The following PRKCE variants were observed in gnomAD, a reference collection of about 807,000 sequenced individuals.
PRKCE encodes the protein protein kinase C epsilon type.
In PRKCE, 16 loss-of-function variants were observed where a neutral mutation model predicts 85.4. That is an observed-to-expected ratio of 0.19 (90% CI 0.13 to 0.28). PRKCE has a LOEUF of 0.28. Among genes scored for constraint, PRKCE ranks in the 10% least tolerant of loss-of-function variants. The probability of loss-of-function intolerance (pLI) is 1.00; values close to 1 mark genes in which losing one functional copy is unlikely to be tolerated. For synonymous variants in PRKCE, 388 were observed against 371.5 expected (o/e 1.04, Z -0.51); for missense variants, 573 against 975.2 (o/e 0.59, Z 5.49).
chr2:46,093,671 C>T (rs1468783302), intron 11 of PRKCE, among the ~76,000 whole-genome samples: 1 of 151,854 alleles, frequency 6.6e-6, no homozygotes, highest in Non-Finnish European at 1.5e-5. Flanking sequence ...TGGGATTACA[C>T]AGGCATGAAC....
At chr2:45,909,407 A>G (rs936289081) in intron 2 of PRKCE, among the ~76,000 whole-genome samples, 1 of 139,474 alleles carries the variant, frequency 7.2e-6, no homozygotes, top group Non-Finnish European at 1.7e-5. Flanking sequence ...TGTGCATCAT[A>G]ATCTCCCCCA....
At chr2:45,714,523 TGA>T (rs1679931162) in intron 1 of PRKCE, among the ~76,000 whole-genome samples, 2 of 152,264 alleles carry the variant, frequency 1.3e-5, no homozygotes, top group Admixed American at 1.3e-4. Context: ...GCTCTTTAAA[TGA>T]AACACATTCA....
At position 45,816,805 on chromosome 2, in the gene PRKCE, C is replaced by T. The variant is rs1008698463; in HGVS notation, c.349-26195C>T. Among the ~76,000 whole-genome samples the T allele has an allele frequency of 3.9e-5, 6 of 152,214 alleles. No individual in the cohort carries two copies. The East Asian group carries it at 1.2e-3, about 29-fold the overall frequency. ...CTCCTCGATATTCCTGTCCATCCTC[C>T]CTCCCCCTAATTGTTAGAGGTGAGC... On this transcript the variant is annotated intron_variant, in intron 1 of 14. Transcript: ENST00000306156.
chr2:46,039,461 G>A (rs915564943), intron 10 of PRKCE, among the ~76,000 whole-genome samples: 1 of 152,054 alleles, frequency 6.6e-6, no homozygotes, highest in Non-Finnish European at 1.5e-5. Flanking sequence ...CCTCCACTGA[G>A]GCCTGTTCTT....
intron 1 of PRKCE, among the ~76,000 whole-genome samples, chr2:45,734,492 TA>T (rs1239222002): frequency 6.6e-6 from 1 of 152,212 alleles, no homozygotes; most frequent in Non-Finnish European, 1.5e-5. Context: ...TTGTCTGCGT[TA>T]AGTGGTGTGA....
intron 1 of PRKCE, among the ~76,000 whole-genome samples, chr2:45,669,163 ATTTTTC>A (rs1310943170): frequency 6.6e-6 from 1 of 152,078 alleles, no homozygotes; most frequent in East Asian, 1.9e-4. Flanking sequence ...CTCTTTAAAA[ATTTTTC>A]TTTATCACTG....
At chr2:45,775,609 C>T (rs1028515987) in intron 1 of PRKCE, among the ~76,000 whole-genome samples, 1 of 152,128 alleles carries the variant, frequency 6.6e-6, no homozygotes, top group Non-Finnish European at 1.5e-5. Context: ...GAATCTGACC[C>T]CTTCTCTTCA....
At chr2:45,862,681 A>G (rs1347737537) in intron 2 of PRKCE, among the ~76,000 whole-genome samples, 4 of 152,180 alleles carry the variant, frequency 2.6e-5, no homozygotes, top group Non-Finnish European at 5.9e-5. Context: ...CCAGGTCACA[A>G]TGCGCAGGGC....
At chr2:46,049,583 G>A (rs1440531431) in intron 10 of PRKCE, among the ~76,000 whole-genome samples, 1 of 152,198 alleles carries the variant, frequency 6.6e-6, no homozygotes, top group Admixed American at 6.5e-5. Context: ...GGGGGAAGCA[G>A]CTGCAGGTGT....
rs34888247 is a variant in PRKCE at position 45,653,370 on chromosome 2, G to GTTTTTTTTTTTTTTTT, written c.348+932_348+947dup. ...TGCTTTTTGTGTTTGTTTTTGGGTTGTTTTTTTTTTTTTTTTTTTTTTTTT... is the reference window on the plus strand; with the variant it reads ...TGCTTTTTGTGTTTGTTTTTGGGTTGTTTTTTTTTTTTTTTTTTTTTTTTTTTTTTTTTTTTTTTTT... On this transcript the variant is annotated intron_variant, in intron 1 of 14. Transcript: ENST00000306156. 6.2e-4 allele frequency among the ~76,000 whole-genome samples: 38 copies of GTTTTTTTTTTTTTTTT among 61,484 alleles called. 2 individuals carry two copies. Among genetic ancestry groups the GTTTTTTTTTTTTTTTT allele is most frequent in the Admixed American group, 1.5e-3 (6 of 3,996 alleles). 40.3% of individuals were successfully genotyped at this position (61,484 alleles called of 152,430 possible). A position where few individuals can be genotyped will look rare whatever the true frequency, so the allele number is the denominator to read the frequency against.
intron 1 of PRKCE, among the ~76,000 whole-genome samples, chr2:45,660,374 T>G (rs1207467789): frequency 6.6e-6 from 1 of 152,186 alleles, no homozygotes; most frequent in Non-Finnish European, 1.5e-5. Context: ...TGCATCAAGC[T>G]GAAGAATCTC....
chr2:45,864,048 A>G (rs952235242), intron 2 of PRKCE, among the ~76,000 whole-genome samples: 5 of 152,182 alleles, frequency 3.3e-5, no homozygotes, highest in Non-Finnish European at 7.3e-5. Flanking sequence ...CCCTTCCTAC[A>G]GCTACTTTTT....
At chr2:45,944,938 C>T (rs1012172051) in intron 2 of PRKCE, among the ~76,000 whole-genome samples, 7 of 152,108 alleles carry the variant, frequency 4.6e-5, no homozygotes, top group African/African-American at 9.7e-5. Flanking sequence ...AGTGGGGACA[C>T]CTGTTTTTGT....
intron 10 of PRKCE, among the ~76,000 whole-genome samples, chr2:46,034,166 G>A (rs1415236248): frequency 2.0e-5 from 3 of 152,222 alleles, no homozygotes; most frequent in Non-Finnish European, 2.9e-5. Context: ...ACTGCGGTCT[G>A]TGAGAGTCCA....
chr2:45,968,983 A>G (rs555797205), intron 2 of PRKCE, among the ~76,000 whole-genome samples: 12 of 151,196 alleles, frequency 7.9e-5, no homozygotes, highest in African/African-American at 2.4e-4. Context: ...TACAGACCCC[A>G]TTTTTGCTCC....
chr2:45,897,392 A>G (rs1696231571), intron 2 of PRKCE, among the ~76,000 whole-genome samples: 2 of 152,284 alleles, frequency 1.3e-5, no homozygotes, highest in African/African-American at 4.8e-5. Context: ...GAACTTGGAA[A>G]TCAGGGCCCC....
At chr2:45,816,846 A>G (rs901255395) in intron 1 of PRKCE, among the ~76,000 whole-genome samples, 12 of 152,150 alleles carry the variant, frequency 7.9e-5, no homozygotes, top group African/African-American at 2.9e-4. Flanking sequence ...CTAGGTGTGA[A>G]CAAGGGGATC....
At chr2:45,911,794 C>A (rs930629706) in intron 2 of PRKCE, among the ~76,000 whole-genome samples, 4 of 152,256 alleles carry the variant, frequency 2.6e-5, no homozygotes, top group Admixed American at 6.5e-5. Flanking sequence ...ATTTTACCTT[C>A]TCTAGGCTTT....
At chr2:45,668,311 G>C (rs1244848069) in intron 1 of PRKCE, among the ~76,000 whole-genome samples, 1 of 152,182 alleles carries the variant, frequency 6.6e-6, no homozygotes, top group African/African-American at 2.4e-5. Flanking sequence ...ATGCACTCCA[G>C]CCTGGGTGAG....
Sources: allele counts gnomAD v4.1 joint callset (sites outside exome capture counted in the v4.1 genomes callset), GRCh38; gene constraint gnomAD v4.1.1; transcripts MANE v1.5; gene names NCBI Gene and HGNC (gene_info 2026-07-23, HGNC 2026-07-21).